HPCAL1: variants seen among roughly 807,000 people sequenced by gnomAD.
The protein encoded by HPCAL1 is hippocalcin like 1.
Under a neutral mutation model 17.1 loss-of-function variants are expected in HPCAL1, and 8 were observed. The observed-to-expected ratio is 0.47, with a 90% CI of 0.27 to 0.84. The LOEUF (loss-of-function observed/expected upper bound fraction) is 0.84. Ranked by LOEUF, HPCAL1 falls within the 40% of genes least tolerant of loss-of-function variation. The pLI, the probability that HPCAL1 is intolerant of heterozygous loss-of-function variation, is 0.13. For missense variants in HPCAL1, 165 were observed against 271.1 expected, an observed-to-expected ratio of 0.61 and a Z score of 2.75; for synonymous variants, 112 against 111.4, an observed-to-expected ratio of 1.01 and a Z score of -0.03.
At chr2:10,341,344 G>A (rs1665065359) in intron 1 of HPCAL1, among the ~76,000 whole-genome samples, 1 of 151,962 alleles carries the variant, frequency 6.6e-6, no homozygotes, top group Admixed American at 6.6e-5. Context: ...GCCTGTACTC[G>A]GGAGACTGAA....
intron 1 of HPCAL1, among the ~76,000 whole-genome samples, chr2:10,315,782 G>A (rs907824969): frequency 3.3e-5 from 5 of 152,134 alleles, no homozygotes; most frequent in African/African-American, 7.2e-5. Flanking sequence ...TGAGGCAGGC[G>A]GATCACTTGA....
intron 1 of HPCAL1, among the ~76,000 whole-genome samples, chr2:10,333,075 C>T (rs1216235461): frequency 1.3e-5 from 2 of 151,834 alleles, no homozygotes; most frequent in African/African-American, 4.8e-5. Flanking sequence ...AGCCCCATGA[C>T]GCCTGGACGC....
chr2:10,316,250 T>C (rs1330444005), intron 1 of HPCAL1, among the ~76,000 whole-genome samples: 2 of 152,186 alleles, frequency 1.3e-5, no homozygotes, highest in Non-Finnish European at 2.9e-5. Flanking sequence ...CGGCCCTGGC[T>C]TTTCCAGGAA....
At chr2:10,382,307 ACAGGGCATTTTT>A (rs1316379878) in intron 1 of HPCAL1, among the ~76,000 whole-genome samples, 1 of 152,194 alleles carries the variant, frequency 6.6e-6, no homozygotes, top group African/African-American at 2.4e-5. Flanking sequence ...CAGGCAGAGC[ACAGGGCATTTTT>A]AAGGCAGTGA....
intron 1 of HPCAL1, among the ~76,000 whole-genome samples, chr2:10,378,483 T>C (rs1667731672): frequency 6.6e-6 from 1 of 152,064 alleles, no homozygotes; most frequent in Non-Finnish European, 1.5e-5. Context: ...GGCGTCCGCA[T>C]TGTCAGGTTC....
rs973101483 is a variant in HPCAL1 at position 10,310,311 on chromosome 2, G to A, written c.-111+7134G>A. On this transcript the variant is annotated intron_variant, in intron 1 of 4. Coordinates refer to ENST00000307845, the MANE Select transcript of HPCAL1 (RefSeq NM_002149.4). This position sits in a 1 kb window ranked among gnomAD's most constrained non-coding sequence, Gnocchi z 4.5. Reference sequence around the variant, plus strand: ...TACCTAGGTGAGTCTGGCTGGTCACGTGTGGAATAAGTGGTGGTGGCTGCC... The same window carrying A: ...TACCTAGGTGAGTCTGGCTGGTCACATGTGGAATAAGTGGTGGTGGCTGCC... Among the ~76,000 whole-genome samples the A allele has an allele frequency of 1.5e-4, 23 of 152,152 alleles. No homozygotes were observed. Among genetic ancestry groups the A allele is most frequent in the Admixed American group, 1.1e-3 (17 of 15,278 alleles).
At chr2:10,387,113 C>T (rs548395578) in intron 1 of HPCAL1, among the ~76,000 whole-genome samples, 1 of 152,338 alleles carries the variant, frequency 6.6e-6, no homozygotes, top group Admixed American at 6.5e-5. Flanking sequence ...CTGTCCAGCA[C>T]CCATGAGGAG....
intron 1 of HPCAL1, among the ~76,000 whole-genome samples, chr2:10,378,799 T>A (rs1227067013): frequency 6.6e-6 from 1 of 152,122 alleles, no homozygotes; most frequent in Admixed American, 6.5e-5. Flanking sequence ...CCTGAGCTGG[T>A]TATAGATGTT....
Position 10,323,182 on chromosome 2 carries a change from C to T in HPCAL1, c.-111+20005C>T, listed in dbSNP as rs1210042695. On this transcript the variant is annotated intron_variant, in intron 1 of 4. Transcript: ENST00000307845. The surrounding 1 kb of genome is among the most constrained non-coding windows in gnomAD (Gnocchi z 4.6). ...CCTGGCTCCCCCGGTTCCCCAGACG[C>T]GTTCCCCACGGAGTCCCAGCGTGTA... Among the ~76,000 whole-genome samples, 7 of 152,212 alleles carry T rather than the reference C, an allele frequency of 4.6e-5. No individual in the cohort carries two copies. Among genetic ancestry groups the T allele is most frequent in the African/African-American group, 7.2e-5 (3 of 41,466 alleles).
chr2:10,366,691 T>C (rs1368192600), intron 1 of HPCAL1, among the ~76,000 whole-genome samples: 1 of 152,206 alleles, frequency 6.6e-6, no homozygotes, highest in Admixed American at 6.5e-5. Flanking sequence ...AAGCTTGGTC[T>C]GGAGACCTTC....
chr2:10,399,108 C>A (rs115647681), intron 2 of HPCAL1, among the ~76,000 whole-genome samples: 13 of 151,574 alleles, frequency 8.6e-5, no homozygotes, highest in African/African-American at 2.7e-4. Context: ...CTGGAGCAGG[C>A]GAAGAGATCA....
rs1044868104 is a variant in HPCAL1, at chr2:10,395,507, C to T, written c.-110-1328C>T. On this transcript the variant is annotated intron_variant, in intron 1 of 4. Coordinates refer to ENST00000307845, the MANE Select transcript of HPCAL1 (RefSeq NM_002149.4). This position sits in a 1 kb window ranked among gnomAD's most constrained non-coding sequence, Gnocchi z 4.4. Reference sequence around the variant, plus strand: ...GGAAGGAGGGGAGAGGTGCAGCACCCCCATTGTGCAGGAGCGAGGGGAGCC... The same window carrying T: ...GGAAGGAGGGGAGAGGTGCAGCACCTCCATTGTGCAGGAGCGAGGGGAGCC... Among the ~76,000 whole-genome samples the T allele has an allele frequency of 3.3e-5, 5 of 152,148 alleles. No individual in the cohort carries two copies. Among genetic ancestry groups the T allele is most frequent in the African/African-American group, 1.2e-4 (5 of 41,440 alleles).
In HPCAL1 at chr2:10,363,538, C is replaced by G. The variant is rs1666651677; in HGVS notation, c.-110-33297C>G. Among the ~76,000 whole-genome samples the G allele has an allele frequency of 6.6e-6, 1 of 152,188 alleles. No homozygotes were observed. Among genetic ancestry groups the G allele is most frequent in the South Asian group, 2.1e-4 (1 of 4,826 alleles). ...ACGTGGCGTTTCAGGTCTGGAGAGT[C>G]ATGTGGTGTAGCTGTATTTCTGGGA... On this transcript the variant is annotated intron_variant, in intron 1 of 4. Coordinates refer to ENST00000307845, the MANE Select transcript of HPCAL1 (RefSeq NM_002149.4). This position sits in a 1 kb window ranked among gnomAD's most constrained non-coding sequence, Gnocchi z 4.7.
chr2:10,305,131 C>G (rs1298741976), intron 1 of HPCAL1, among the ~76,000 whole-genome samples: 1 of 151,944 alleles, frequency 6.6e-6, no homozygotes, highest in African/African-American at 2.4e-5. Context: ...TAGAATGCAC[C>G]CTGTTTTCTG....
At chr2:10,382,737 C>G (rs1668042143) in intron 1 of HPCAL1, among the ~76,000 whole-genome samples, 1 of 151,694 alleles carries the variant, frequency 6.6e-6, no homozygotes, top group African/African-American at 2.4e-5. Flanking sequence ...GCACCACCCC[C>G]TCCCTGCTCC....
In HPCAL1 at chr2:10,318,581, C is replaced by T. The variant is rs896058584; in HGVS notation, c.-111+15404C>T. Among the ~76,000 whole-genome samples, 38 of 152,294 alleles carry T rather than the reference C, an allele frequency of 2.5e-4. 1 individual carries two copies. Among genetic ancestry groups the T allele is most frequent in the Admixed American group, 2.4e-3 (37 of 15,300 alleles). On this transcript the variant is annotated intron_variant, in intron 1 of 4. Coordinates refer to ENST00000307845, the MANE Select transcript of HPCAL1 (RefSeq NM_002149.4). ...GGCGATGTGAGGAAAGTGACAGACT[C>T]CAGCCTCCATGTGCAGCCGGTGATT... is the stretch of plus-strand genomic sequence containing the variant.
chr2:10,426,876 C>T lies in HPCAL1; in HGVS notation c.*55C>T. 6.7e-7 allele frequency: 1 copy of T among 1,503,236 alleles called. No individual in the cohort carries two copies. 93.1% of individuals were successfully genotyped at this position (1,503,236 alleles called of 1,614,324 possible). On this transcript the variant is annotated 3_prime_UTR_variant, in exon 5 of 5. Coordinates refer to ENST00000307845, the MANE Select transcript of HPCAL1 (RefSeq NM_002149.4). ...ACACAGGCTTGTCGTGCCGTTTAAGCTTTGCTTGCAAGAGTGGATGCCCCG... is the reference window on the plus strand; with the variant it reads ...ACACAGGCTTGTCGTGCCGTTTAAGTTTTGCTTGCAAGAGTGGATGCCCCG...
intron 1 of HPCAL1, among the ~76,000 whole-genome samples, chr2:10,305,069 C>G (rs568914009): frequency 1.3e-5 from 2 of 152,070 alleles, no homozygotes; most frequent in Non-Finnish European, 2.9e-5. Flanking sequence ...CAGGGGGATG[C>G]GATGAACTCA....
intron 2 of HPCAL1, among the ~76,000 whole-genome samples, chr2:10,405,960 T>G (rs116363583): frequency 0.044 from 6,776 of 152,278 alleles, 200 homozygotes; most frequent in Middle Eastern, 0.12. Flanking sequence ...TTTTGAGTTT[T>G]TGTTGTGTGA....
Sources: allele counts gnomAD v4.1 joint callset (sites outside exome capture counted in the v4.1 genomes callset), GRCh38; gene constraint gnomAD v4.1.1; non-coding constraint Gnocchi (gnomAD v3.1); transcripts MANE v1.5; gene names NCBI Gene and HGNC (gene_info 2026-07-23, HGNC 2026-07-21).